Variants in IL16 observed in about 807,000 individuals in gnomAD.
IL16 encodes the protein pro-interleukin-16.
A neutral mutation model predicts 110.1 loss-of-function variants in IL16; 67 were observed. The observed-to-expected ratio is 0.61, with a 90% CI of 0.50 to 0.75. The LOEUF is 0.75. IL16 is among the 30% of genes least tolerant of loss of function. The pLI, the probability that IL16 is intolerant of heterozygous loss-of-function variation, is 0.00. For missense variants in IL16, 1,545 were observed against 1,655.0 expected, an observed-to-expected ratio of 0.93 and a Z score of 1.15; for synonymous variants, 689 against 662.9, an observed-to-expected ratio of 1.04 and a Z score of -0.61.
At chr15:81,234,115 G>T (rs1055993460) in intron 2 of IL16, among the ~76,000 whole-genome samples, 3 of 151,838 alleles carry the variant, frequency 2.0e-5, no homozygotes, top group Non-Finnish European at 4.4e-5. Flanking sequence ...GTGGTTGCGT[G>T]GTATATCTTT....
At chr15:81,240,012 G>A (rs922229272) in intron 2 of IL16, among the ~76,000 whole-genome samples, 1 of 152,150 alleles carries the variant, frequency 6.6e-6, no homozygotes, top group Non-Finnish European at 1.5e-5. Flanking sequence ...TAGCAAAGAG[G>A]AGGAAAGTCA....
intron 1 of IL16, chr15:81,182,912 TCTC>T: frequency 7.8e-7 from 1 of 1,286,586 alleles, no homozygotes; most frequent in South Asian, 1.2e-5. Flanking sequence ...TGGAGCTCCT[TCTC>T]CTATCCCAGG....
At chr15:81,294,028 C>T (rs1275638857) in intron 12 of IL16, among the ~76,000 whole-genome samples, 1 of 152,226 alleles carries the variant, frequency 6.6e-6, no homozygotes, top group African/African-American at 2.4e-5. Flanking sequence ...CGGAATGGCC[C>T]TGCAGGGGCC....
At chr15:81,269,786 A>G (rs1898554245) in intron 5 of IL16, 138 bp downstream of exon 5, 8 of 631,376 alleles carry the variant, frequency 1.3e-5, no homozygotes, top group Non-Finnish European at 2.0e-5. Flanking sequence ...AAGAGTGGCT[A>G]GTCTTAAAAC....
chr15:81,220,300 G>GT (rs1216097979), intron 1 of IL16, among the ~76,000 whole-genome samples: 1 of 152,016 alleles, frequency 6.6e-6, no homozygotes, highest in Non-Finnish European at 1.5e-5. Flanking sequence ...ATGCTGGCTA[G>GT]TTTTTTTGTT....
intron 1 of IL16, among the ~76,000 whole-genome samples, chr15:81,216,091 T>G (rs1309681605): frequency 6.6e-6 from 1 of 152,190 alleles, no homozygotes; most frequent in Admixed American, 6.5e-5. Context: ...CCCTGCTCTC[T>G]CCTGGCTGGA....
rs139306391 is a variant in IL16, at chr15:81,283,287, T to A, written c.1199+531T>A. On this transcript the variant is annotated intron_variant, in intron 9 of 18. Transcript: ENST00000683961. ...ATGTCTGAGGCCATACCCAGTGGGCTGGTTCAAGCCTGTGGCTGGAGCTGG... is the reference window on the plus strand; with the variant it reads ...ATGTCTGAGGCCATACCCAGTGGGCAGGTTCAAGCCTGTGGCTGGAGCTGG... 3.3e-3 allele frequency among the ~76,000 whole-genome samples: 507 copies of A among 152,042 alleles called. 5 individuals carry two copies. Among genetic ancestry groups the A allele is most frequent in the African/African-American group, 0.012 (485 of 41,460 alleles).
At chr15:81,258,728 GCGCTCTCTCTCTCTCTCTCTGTCACT>G (rs1567022018) in intron 2 of IL16, among the ~76,000 whole-genome samples, 3 of 114,920 alleles carry the variant, frequency 2.6e-5, no homozygotes, top group Admixed American at 1.6e-4. Context: ...ACTCGCGCAC[GCGCTCTCTCTCTCTCTCTCTGTCACT>G]CGCTCTCTCT....
chr15:81,227,617 A>G (rs1309018792), intron 2 of IL16, among the ~76,000 whole-genome samples: 2 of 152,190 alleles, frequency 1.3e-5, no homozygotes, highest in Admixed American at 6.5e-5. Context: ...TGTGGCAAGG[A>G]CTTGGAGTTT....
chr15:81,305,024 G>A (rs1215157862), intron 16 of IL16, among the ~76,000 whole-genome samples: 1 of 152,214 alleles, frequency 6.6e-6, no homozygotes, highest in Non-Finnish European at 1.5e-5. Context: ...GGACCAAGAG[G>A]TGACTGGAGG....
chr15:81,274,303 G>A (rs566784315), intron 6 of IL16, among the ~76,000 whole-genome samples: 1 of 152,300 alleles, frequency 6.6e-6, no homozygotes, highest in Admixed American at 6.5e-5. Context: ...AAATTTAAAA[G>A]TGTTTTTGAT....
intron 1 of IL16, among the ~76,000 whole-genome samples, chr15:81,221,900 A>T (rs867883425): frequency 6.6e-6 from 1 of 152,198 alleles, no homozygotes; most frequent in Non-Finnish European, 1.5e-5. Context: ...CAAATGGTGC[A>T]TTGGGATTAG....
At chr15:81,218,839 C>G (rs754759067) in intron 1 of IL16, among the ~76,000 whole-genome samples, 1 of 152,026 alleles carries the variant, frequency 6.6e-6, no homozygotes, top group Non-Finnish European at 1.5e-5. Context: ...GCATGGTATT[C>G]CATCATACAA....
At chr15:81,278,504 T>C (rs938984912) in intron 6 of IL16, among the ~76,000 whole-genome samples, 3 of 151,780 alleles carry the variant, frequency 2.0e-5, no homozygotes, top group African/African-American at 4.8e-5. Context: ...TGGGAGCAAA[T>C]GGTGTGAGGG....
At chr15:81,224,302 T>C (rs1359293021) in intron 1 of IL16, among the ~76,000 whole-genome samples, 1 of 152,224 alleles carries the variant, frequency 6.6e-6, no homozygotes, top group Non-Finnish European at 1.5e-5. Context: ...ATCCCACAAT[T>C]TGTTGTTCTG....
chr15:81,243,719 A>G (rs1464173815), intron 2 of IL16, among the ~76,000 whole-genome samples: 3 of 152,198 alleles, frequency 2.0e-5, no homozygotes, highest in Non-Finnish European at 4.4e-5. Context: ...GAAATTACAA[A>G]TTCAATGTTC....
chr15:81,301,640 T>C (rs1343657775), intron 15 of IL16, 128 bp downstream of exon 15: 1 of 725,244 alleles, frequency 1.4e-6, no homozygotes, highest in Non-Finnish European at 2.3e-6. Context: ...CGTCCTGTGA[T>C]GGTGGGACAC....
intron 2 of IL16, among the ~76,000 whole-genome samples, chr15:81,254,822 T>C (rs568529234): frequency 2.0e-4 from 30 of 152,298 alleles, no homozygotes; most frequent in Non-Finnish European, 3.8e-4. Context: ...ACCCAGGACA[T>C]ACTTGCCAGA....
Position 81,201,403 on chromosome 15 carries a change from A to C in IL16, c.-102+4251A>C, listed in dbSNP as rs887251367. ...TAATGCTCTATAGCTGTTATTTTGC[A>C]TTTCTTTGAATCTCCTCTCAGTTCT... On this transcript the variant is annotated intron_variant, in intron 1 of 18. Coordinates refer to ENST00000683961, the MANE Select transcript of IL16 (RefSeq NM_172217.5). Among the ~76,000 whole-genome samples, 2 of 152,106 alleles carry C rather than the reference A, an allele frequency of 1.3e-5. 1 individual carries two copies. Among genetic ancestry groups the C allele is most frequent in the South Asian group, 4.1e-4 (2 of 4,836 alleles).
Sources: gnomAD v4.1 joint callset for allele counts (sites outside exome capture counted in the v4.1 genomes callset) on GRCh38, gnomAD v4.1.1 for gene constraint, MANE v1.5 for transcripts, NCBI Gene and HGNC (gene_info 2026-07-23, HGNC 2026-07-21) for gene names.